SRPK2: variants seen among roughly 807,000 people sequenced by gnomAD.
SRPK2 encodes SRSF protein kinase 2, also known as SFRS protein kinase 2.
SRPK2 carries 21 observed loss-of-function variants against 90.8 expected under a neutral mutation model. That is an observed-to-expected ratio of 0.23 (90% CI 0.16 to 0.33). The LOEUF is 0.33. SRPK2 is among the 10% of genes least tolerant of loss of function. The probability of loss-of-function intolerance (pLI) is 1.00; values close to 1 mark genes in which losing one functional copy is unlikely to be tolerated. For missense variants in SRPK2, 620 were observed against 869.0 expected (o/e 0.71, Z 3.60); for synonymous variants, 288 against 311.1 (o/e 0.93, Z 0.78).
chr7:105,297,308 T>C (rs561048468), intron 2 of SRPK2: 1 of 242,468 alleles, frequency 4.1e-6, no homozygotes, highest in South Asian at 1.5e-4. Flanking sequence ...ATACACTGAA[T>C]GAAGTGACAC....
chr7:105,126,009 G>A (rs1562956943), intron 15 of SRPK2: 7 of 645,360 alleles, frequency 1.1e-5, no homozygotes, highest in Non-Finnish European at 1.8e-5. Flanking sequence ...GGCCTTCCTC[G>A]CGTTGCTGGA....
At chr7:105,162,389 G>T (rs1329917905) in intron 6 of SRPK2, among the ~76,000 whole-genome samples, 1 of 152,006 alleles carries the variant, frequency 6.6e-6, no homozygotes, top group African/African-American at 2.4e-5. Flanking sequence ...TCACAACTAT[G>T]ATACCTCCAA....
intron 2 of SRPK2, among the ~76,000 whole-genome samples, chr7:105,386,487 G>C (rs1173910569): frequency 6.6e-6 from 1 of 152,190 alleles, no homozygotes; most frequent in African/African-American, 2.4e-5. Context: ...GCCGAGGCCG[G>C]TGAATCACCT....
intron 2 of SRPK2, among the ~76,000 whole-genome samples, chr7:105,332,015 C>A (rs1585746269): frequency 6.6e-6 from 1 of 151,958 alleles, no homozygotes; most frequent in Admixed American, 6.6e-5. Flanking sequence ...AGAACACATG[C>A]CAACCAGATG....
intron 2 of SRPK2, among the ~76,000 whole-genome samples, chr7:105,365,394 G>A (rs1174002535): frequency 6.7e-6 from 1 of 149,814 alleles, no homozygotes; most frequent in African/African-American, 2.5e-5. Context: ...GCTGAGGCAG[G>A]AGAATCGCTT....
intron 2 of SRPK2, among the ~76,000 whole-genome samples, chr7:105,385,097 C>G (rs1821386657): frequency 6.6e-6 from 1 of 150,384 alleles, no homozygotes; most frequent in Admixed American, 6.7e-5. Context: ...TGGTCTCGAT[C>G]TCCTGACCTC....
intron 3 of SRPK2, among the ~76,000 whole-genome samples, chr7:105,190,116 G>C (rs935358277): frequency 1.3e-5 from 2 of 152,216 alleles, no homozygotes; most frequent in African/African-American, 4.8e-5. Flanking sequence ...GATCACAACA[G>C]ATCACACATG....
chr7:105,221,858 C>A (rs1440756286), intron 2 of SRPK2, among the ~76,000 whole-genome samples: 2 of 152,186 alleles, frequency 1.3e-5, no homozygotes, highest in Non-Finnish European at 2.9e-5. Flanking sequence ...ATCTGTAAAT[C>A]ACAGGGCTAT....
chr7:105,168,386 A>T (rs979659486), intron 4 of SRPK2, among the ~76,000 whole-genome samples: 5 of 152,216 alleles, frequency 3.3e-5, no homozygotes, highest in Admixed American at 3.3e-4. Context: ...TTTTGTGTTT[A>T]GATCTGGGTC....
chr7:105,315,632 T>C (rs1400080612), intron 2 of SRPK2, among the ~76,000 whole-genome samples: 1 of 152,184 alleles, frequency 6.6e-6, no homozygotes, highest in East Asian at 1.9e-4. Flanking sequence ...CTGGATACAA[T>C]TTCAATTAAA....
intron 2 of SRPK2, among the ~76,000 whole-genome samples, chr7:105,380,948 A>T (rs1415303424): frequency 1.9e-4 from 3 of 16,034 alleles, no homozygotes; most frequent in Non-Finnish European, 4.5e-4. Flanking sequence ...TTATTACTTT[A>T]AAAAAAAAAA....
chr7:105,295,464 C>T (rs529161540), intron 2 of SRPK2, among the ~76,000 whole-genome samples: 1 of 152,110 alleles, frequency 6.6e-6, no homozygotes, highest in Admixed American at 6.5e-5. Context: ...TATTCAGCCA[C>T]TAAAAGGAAT....
chr7:105,252,037 T>C (rs1315122820), intron 2 of SRPK2, among the ~76,000 whole-genome samples: 1 of 152,218 alleles, frequency 6.6e-6, no homozygotes, highest in Non-Finnish European at 1.5e-5. Context: ...CTCCTTTTAC[T>C]TTAAAACTGT....
chr7:105,129,141 A>G (rs564662252), intron 13 of SRPK2, among the ~76,000 whole-genome samples: 58 of 151,922 alleles, frequency 3.8e-4, no homozygotes, highest in South Asian at 1.3e-3. Context: ...TTTTGTAGAG[A>G]CGGGATTTCA....
intron 2 of SRPK2, among the ~76,000 whole-genome samples, chr7:105,258,110 C>CAA (rs113541840): frequency 1.9e-4 from 27 of 145,902 alleles, no homozygotes; most frequent in Middle Eastern, 3.6e-3. Context: ...TCTCCAAAAA[C>CAA]AAAAAAAAAA....
At chr7:105,358,763 A>G (rs991004015) in intron 2 of SRPK2, among the ~76,000 whole-genome samples, 3 of 152,152 alleles carry the variant, frequency 2.0e-5, no homozygotes, top group Non-Finnish European at 2.9e-5. Context: ...TTTTGCTGCT[A>G]AAGAAGGAAT....
intron 11 of SRPK2, among the ~76,000 whole-genome samples, chr7:105,135,001 A>G (rs1037765604): frequency 2.6e-5 from 4 of 152,250 alleles, no homozygotes; most frequent in Non-Finnish European, 4.4e-5. Flanking sequence ...AGACCAAAAA[A>G]GAAGGCAAAA....
At chr7:105,198,276 C>T (rs1259935694) in intron 3 of SRPK2, among the ~76,000 whole-genome samples, 2 of 152,212 alleles carry the variant, frequency 1.3e-5, no homozygotes, top group Non-Finnish European at 2.9e-5. Context: ...GCACCCCCTA[C>T]TGCCTCTGAA....
chr7:105,385,866 C>T (rs1313643769), intron 2 of SRPK2, among the ~76,000 whole-genome samples: 1 of 152,218 alleles, frequency 6.6e-6, no homozygotes, highest in Admixed American at 6.5e-5. Flanking sequence ...GTGACTGGCA[C>T]AGTGTTCAAA....
Sources: gnomAD v4.1 joint callset for allele counts (sites outside exome capture counted in the v4.1 genomes callset) on GRCh38, gnomAD v4.1.1 for gene constraint, MANE v1.5 for transcripts, NCBI Gene and HGNC (gene_info 2026-07-23, HGNC 2026-07-21) for gene names.